LRP1B: variants seen among roughly 807,000 people sequenced by gnomAD.
LRP1B encodes the protein LDL receptor related protein 1B, also known as low-density lipoprotein receptor-related protein 1B.
Under a neutral mutation model 556.6 loss-of-function variants are expected in LRP1B, and 217 were observed. That is an observed-to-expected ratio of 0.39 (90% CI 0.35 to 0.44). The LOEUF (loss-of-function observed/expected upper bound fraction) is 0.44, where lower values mean the gene tolerates loss of function less well. Ranked by LOEUF, LRP1B falls within the 20% of genes least tolerant of loss-of-function variation. The pLI is 1.00. For missense variants in LRP1B, 5,053 were observed against 5,620.8 expected (o/e 0.90, Z 3.23); for synonymous variants, 2,047 against 1,865.8 (o/e 1.10, Z -2.50).
intron 1 of LRP1B, among the ~76,000 whole-genome samples, chr2:142,028,082 A>G (rs1703567525): frequency 6.6e-6 from 1 of 151,994 alleles, no homozygotes; most frequent in Non-Finnish European, 1.5e-5. Context: ...ATTATTTACT[A>G]AGTCTTTATC....
intron 3 of LRP1B, among the ~76,000 whole-genome samples, chr2:141,461,567 T>C (rs1681874495): frequency 6.6e-6 from 1 of 152,146 alleles, no homozygotes; most frequent in Admixed American, 6.5e-5. Context: ...TAGGAAACAT[T>C]TGGATATCCC....
intron 23 of LRP1B, chr2:140,898,643 G>T: frequency 2.5e-6 from 1 of 399,326 alleles, no homozygotes; most frequent in South Asian, 1.9e-5. Context: ...AACATAAACT[G>T]GTCTGCCTAA....
intron 41 of LRP1B, among the ~76,000 whole-genome samples, chr2:140,633,328 T>G (rs501027): frequency 6.6e-6 from 1 of 151,946 alleles, no homozygotes; most frequent in Non-Finnish European, 1.5e-5. Context: ...AAATCTGTTG[T>G]CTCTTAGAGG....
rs536764316 is a variant in LRP1B, at chr2:141,602,071, C to T, written c.206-121538G>A. ...CTTGAATTAGCCTAAACATAGCTACCATGCCGTCTATCATCCACCAAGAGC... is the reference window on the plus strand; with the variant it reads ...CTTGAATTAGCCTAAACATAGCTACTATGCCGTCTATCATCCACCAAGAGC... On this transcript the variant is annotated intron_variant, in intron 2 of 90. Coordinates refer to ENST00000389484, the MANE Select transcript of LRP1B (RefSeq NM_018557.3). Among the ~76,000 whole-genome samples, 77 of 152,154 alleles carry T rather than the reference C, an allele frequency of 5.1e-4. No homozygotes were observed. In the Middle Eastern group the frequency reaches 0.01, roughly 20 times the overall value.
rs1397039462 is a variant in LRP1B, at chr2:141,084,896, G to A, written c.1014-22623C>T. The stretch of plus-strand genomic sequence containing the variant: ...GATCTCCTGACCTCGTGATCCGCCC[G>A]CCTCGGCCTCCCAAAGTGCTGGGAT... On this transcript the variant is annotated intron_variant, in intron 7 of 90. Coordinates refer to ENST00000389484, the MANE Select transcript of LRP1B (RefSeq NM_018557.3). Among the ~76,000 whole-genome samples the A allele has an allele frequency of 4.6e-5, 7 of 152,084 alleles. No homozygotes were observed. The East Asian group carries it at 7.8e-4, about 17-fold the overall frequency.
intron 66 of LRP1B, among the ~76,000 whole-genome samples, chr2:140,438,620 C>T (rs748381770): frequency 7.2e-5 from 11 of 152,042 alleles, no homozygotes; most frequent in South Asian, 6.2e-4. Context: ...AGCCAGGTTG[C>T]GGAAAATACA....
At chr2:140,575,884 T>C (rs1264523298) in intron 43 of LRP1B, among the ~76,000 whole-genome samples, 1 of 151,524 alleles carries the variant, frequency 6.6e-6, no homozygotes, top group Non-Finnish European at 1.5e-5. Context: ...ATCACGCCAC[T>C]GCACTCCAGC....
chr2:142,128,804 C>T (rs148931094), intron 1 of LRP1B, among the ~76,000 whole-genome samples: 6 of 152,318 alleles, frequency 3.9e-5, no homozygotes, highest in East Asian at 3.9e-4. Flanking sequence ...AGATGTTCCT[C>T]TCCCTCATGA....
At chr2:140,833,704 A>G (rs1256321018) in intron 31 of LRP1B, among the ~76,000 whole-genome samples, 3 of 152,140 alleles carry the variant, frequency 2.0e-5, no homozygotes, top group Admixed American at 2.0e-4. Flanking sequence ...ATATACATAT[A>G]TACACACCCA....
intron 2 of LRP1B, among the ~76,000 whole-genome samples, chr2:141,553,336 A>G (rs1685823825): frequency 6.6e-6 from 1 of 151,970 alleles, no homozygotes; most frequent in African/African-American, 2.4e-5. Flanking sequence ...TGAGAAATTA[A>G]GTATTAAAAT....
chr2:140,435,599 T>C (rs1686140789), intron 66 of LRP1B, among the ~76,000 whole-genome samples: 1 of 152,046 alleles, frequency 6.6e-6, no homozygotes, highest in African/African-American at 2.4e-5. Context: ...TCCTGACTCA[T>C]TGTGTAGGCT....
chr2:141,584,436 C>T (rs1264008000), intron 2 of LRP1B, among the ~76,000 whole-genome samples: 1 of 151,984 alleles, frequency 6.6e-6, no homozygotes, highest in African/African-American at 2.4e-5. Context: ...TGTTAAGAAT[C>T]GACCATACTA....
chr2:141,872,140 TC>T (rs1698610485), intron 1 of LRP1B, among the ~76,000 whole-genome samples: 1 of 151,960 alleles, frequency 6.6e-6, no homozygotes, highest in Non-Finnish European at 1.5e-5. Flanking sequence ...CTTGAGGCAT[TC>T]CTTCTAGGGG....
At chr2:141,448,984 A>G (rs544779926) in intron 3 of LRP1B, among the ~76,000 whole-genome samples, 2 of 152,354 alleles carry the variant, frequency 1.3e-5, no homozygotes, top group South Asian at 4.1e-4. Flanking sequence ...CTTTGCTTAG[A>G]GCAATATGCT....
intron 66 of LRP1B, among the ~76,000 whole-genome samples, chr2:140,426,434 G>T (rs1400384275): frequency 6.6e-6 from 1 of 151,994 alleles, no homozygotes; most frequent in Non-Finnish European, 1.5e-5. Flanking sequence ...TATCCCCTGT[G>T]ACCTGCATTT....
At chr2:140,895,510 G>T (rs929951797) in intron 23 of LRP1B, among the ~76,000 whole-genome samples, 1 of 152,046 alleles carries the variant, frequency 6.6e-6, no homozygotes. Flanking sequence ...TCACCTCACC[G>T]GCAGGAGCAG....
chr2:141,320,620 A>G (rs1205654049), intron 3 of LRP1B, among the ~76,000 whole-genome samples: 1 of 152,216 alleles, frequency 6.6e-6, no homozygotes, highest in East Asian at 1.9e-4. Context: ...GAAACTGCCC[A>G]AGAAATTGTA....
rs1027172099 is a variant in LRP1B, at chr2:142,052,614, T to A, written c.82+78034A>T. 7.2e-5 allele frequency among the ~76,000 whole-genome samples: 11 copies of A among 152,230 alleles called. No individual in the cohort carries two copies. The South Asian group carries it at 1.9e-3, about 26-fold the overall frequency. On this transcript the variant is annotated intron_variant, in intron 1 of 90. Transcript: ENST00000389484. ...CAGAAAAGTTCCTCCCCCTCACGTG[T>A]AATGGCTGATGTCCAGGTGCGCTCT... is the stretch of plus-strand genomic sequence containing the variant.
At chr2:140,803,628 A>G (rs906563117) in intron 32 of LRP1B, among the ~76,000 whole-genome samples, 5 of 151,890 alleles carry the variant, frequency 3.3e-5, no homozygotes, top group Admixed American at 6.6e-5. Context: ...AACATAATGC[A>G]AAACCTCTCA....
Sources: allele counts gnomAD v4.1 joint callset (sites outside exome capture counted in the v4.1 genomes callset), GRCh38; gene constraint gnomAD v4.1.1; transcripts MANE v1.5; gene names NCBI Gene and HGNC (gene_info 2026-07-23, HGNC 2026-07-21).